The following STK10 variants were observed in gnomAD, a reference collection of about 807,000 sequenced individuals.
STK10 encodes serine/threonine kinase 10.
In STK10, 78 loss-of-function variants were observed where a neutral mutation model predicts 113.8. The observed-to-expected ratio is 0.69, with a 90% CI of 0.57 to 0.83. STK10 has a LOEUF of 0.83. Among genes scored for constraint, STK10 ranks in the 40% least tolerant of loss-of-function variants. The probability of loss-of-function intolerance (pLI) is 0.00; values close to 1 mark genes in which losing one functional copy is unlikely to be tolerated. For missense variants in STK10, 1,109 were observed against 1,280.1 expected (o/e 0.87, Z 2.04); for synonymous variants, 465 against 494.7 (o/e 0.94, Z 0.80).
intron 1 of STK10, among the ~76,000 whole-genome samples, chr5:172,166,115 G>A (rs531256899): frequency 6.6e-6 from 1 of 152,302 alleles, no homozygotes; most frequent in East Asian, 1.9e-4. Context: ...TTTTGCTGAA[G>A]TTATCAGGAC....
chr5:172,081,964 C>G (rs374921419), intron 12 of STK10, among the ~76,000 whole-genome samples: 2 of 152,292 alleles, frequency 1.3e-5, no homozygotes, highest in African/African-American at 4.8e-5. Flanking sequence ...TGCCTACCCA[C>G]CCAGCACCCA....
At chr5:172,047,967 A>G (rs1275587037) in intron 18 of STK10, among the ~76,000 whole-genome samples, 2 of 130,476 alleles carry the variant, frequency 1.5e-5, no homozygotes, top group South Asian at 2.3e-4. Flanking sequence ...CAGTGATGCG[A>G]TCTTGGCTCA....
In STK10 at chr5:172,044,983, C is replaced by G; in HGVS notation, c.2806G>C (p.Glu936Gln). The G allele has an allele frequency of 6.2e-7, 1 of 1,614,212 alleles. No homozygotes were observed. ...EDLNQKKREQ[E>Q]MFFKLSEEAE... Reference sequence around the variant, plus strand: ...TCCTCGCTCAGCTTGAAGAACATCTCCTGCTCCCGCTTCTTCTGGTTCAGA... The same window carrying G: ...TCCTCGCTCAGCTTGAAGAACATCTGCTGCTCCCGCTTCTTCTGGTTCAGA... Residue 936 changes from glutamate (E) to glutamine (Q), a missense_variant, in exon 19 of 19, where the codon GAG becomes CAG. By Grantham distance (29) the Glu-to-Gln change is conservative (BLOSUM62 2). Coordinates refer to ENST00000176763, the MANE Select transcript of STK10 (RefSeq NM_005990.4). This position sits in a 1 kb window ranked among gnomAD's most constrained non-coding sequence, Gnocchi z 4.5.
chr5:172,111,310 C>T (rs1292573054), intron 4 of STK10, among the ~76,000 whole-genome samples: 1 of 152,160 alleles, frequency 6.6e-6, no homozygotes, highest in African/African-American at 2.4e-5. Flanking sequence ...GGGTGAGGAT[C>T]CCAAAAGGTG....
chr5:172,078,911 C>T (rs1170640390), intron 12 of STK10, among the ~76,000 whole-genome samples: 1 of 150,990 alleles, frequency 6.6e-6, no homozygotes, highest in African/African-American at 2.4e-5. Context: ...TAGGCAACTT[C>T]CTCTGTCGCC....
At chr5:172,103,711 C>A (rs1769042697) in intron 7 of STK10, among the ~76,000 whole-genome samples, 1 of 152,110 alleles carries the variant, frequency 6.6e-6, no homozygotes, top group South Asian at 2.1e-4. Context: ...CCCCCCACCC[C>A]CGGCAGTAGA....
chr5:172,053,870 C>T (rs1767686335), intron 17 of STK10, among the ~76,000 whole-genome samples: 1 of 152,230 alleles, frequency 6.6e-6, no homozygotes, highest in Non-Finnish European at 1.5e-5. Context: ...CATACGGGCT[C>T]TCTCAGTGCT....
At chr5:172,125,586 T>C (rs1043515733) in intron 3 of STK10, among the ~76,000 whole-genome samples, 6 of 152,182 alleles carry the variant, frequency 3.9e-5, no homozygotes, top group Non-Finnish European at 7.3e-5. Flanking sequence ...GTTTTTGCCA[T>C]GTTGGCCAGG....
chr5:172,045,055 G>A (rs1442996208), intron 18 of STK10, 33 bp from the exon 19 acceptor site: 5 of 1,610,246 alleles, frequency 3.1e-6, no homozygotes, highest in Admixed American at 3.3e-5. Flanking sequence ...GGCACTTGGT[G>A]AGATCTGCAG....
intron 2 of STK10, among the ~76,000 whole-genome samples, chr5:172,143,375 CA>C (rs201045024): frequency 2.0e-5 from 3 of 150,732 alleles, no homozygotes; most frequent in Admixed American, 6.6e-5. Flanking sequence ...AAAAACAAAA[CA>C]AAAAAAAAGA....
rs373378240 is a variant in STK10, at chr5:172,093,820, G to A, written c.1146C>T (p.Pro382=). The change falls in exon 9 of 19, where the codon CCC becomes CCT. Residue 382 remains proline, a synonymous_variant. Coordinates refer to ENST00000176763, the MANE Select transcript of STK10 (RefSeq NM_005990.4). The surrounding 1 kb of genome is among the most constrained non-coding windows in gnomAD (Gnocchi z 4.1). ...TGGTTTGGAGGGATCTGTCCCCAGA[G>A]GGCTGGCTGCAGGGCTCATTCACAC... ...QDSVNEPCSQ[P]SGDRSLQTTS... is the part of the protein sequence containing the mutation. The A allele has an allele frequency of 1.7e-5, 28 of 1,605,198 alleles. No individual in the cohort carries two copies. Among genetic ancestry groups the A allele is most frequent in the Non-Finnish European group, 2.4e-5 (28 of 1,173,804 alleles).
chr5:172,098,733 G>A (rs888887315), intron 7 of STK10, among the ~76,000 whole-genome samples: 1 of 152,186 alleles, frequency 6.6e-6, no homozygotes, highest in Non-Finnish European at 1.5e-5. Flanking sequence ...AAGGCACCTG[G>A]TAAAATCCAG....
At chr5:172,184,777 G>C (rs1375401587) in intron 1 of STK10, among the ~76,000 whole-genome samples, 1 of 152,178 alleles carries the variant, frequency 6.6e-6, no homozygotes, top group Non-Finnish European at 1.5e-5. Context: ...TCAGCCTCCC[G>C]AGTAGCTGGG....
At chr5:172,119,811 CG>C (rs1769468121) in intron 3 of STK10, among the ~76,000 whole-genome samples, 1 of 150,034 alleles carries the variant, frequency 6.7e-6, no homozygotes, top group African/African-American at 2.5e-5. Context: ...TTGCAGTGAG[CG>C]GAGATCACGC....
chr5:172,072,548 G>T (rs964258553), intron 12 of STK10, among the ~76,000 whole-genome samples: 2 of 152,174 alleles, frequency 1.3e-5, no homozygotes, highest in African/African-American at 4.8e-5. Context: ...GATTACAGGC[G>T]TGAGCCACCG....
intron 2 of STK10, among the ~76,000 whole-genome samples, chr5:172,155,306 T>G (rs1048212594): frequency 6.6e-6 from 1 of 152,050 alleles, no homozygotes; most frequent in Non-Finnish European, 1.5e-5. Flanking sequence ...AAGAAGAGCC[T>G]GACCAAGACG....
At chr5:172,163,071 C>G (rs779770337) in intron 1 of STK10, among the ~76,000 whole-genome samples, 4 of 152,210 alleles carry the variant, frequency 2.6e-5, no homozygotes, top group African/African-American at 4.8e-5. Context: ...TCTTTCAAAG[C>G]CTCGTTGAGG....
intron 1 of STK10, among the ~76,000 whole-genome samples, chr5:172,180,451 C>A (rs1770830273): frequency 6.6e-6 from 1 of 150,920 alleles, no homozygotes; most frequent in East Asian, 2.0e-4. Context: ...GGCGACAGAG[C>A]AAGACTTCGT....
At chr5:172,125,140 A>G (rs1465170734) in intron 3 of STK10, among the ~76,000 whole-genome samples, 1 of 152,210 alleles carries the variant, frequency 6.6e-6, no homozygotes, top group African/African-American at 2.4e-5. Context: ...TCCTTTTGGT[A>G]CATCCGCATT....
Sources: gnomAD v4.1 joint callset for allele counts (sites outside exome capture counted in the v4.1 genomes callset) on GRCh38, gnomAD v4.1.1 for gene constraint, Gnocchi (gnomAD v3.1) non-coding constraint, MANE v1.5 for transcripts, NCBI Gene and HGNC (gene_info 2026-07-23, HGNC 2026-07-21) for gene names.